DOCK9: variants seen among roughly 807,000 people sequenced by gnomAD.
DOCK9 encodes dedicator of cytokinesis 9.
DOCK9 carries 89 observed loss-of-function variants against 263.3 expected under a neutral mutation model. The ratio of observed to expected loss-of-function variants is 0.34; its 90% confidence interval spans 0.28 to 0.40. The LOEUF is 0.40. DOCK9 is among the 10% of genes least tolerant of loss of function. The pLI is 1.00. For synonymous variants in DOCK9, 976 were observed against 973.1 expected (o/e 1.00, Z -0.06); for missense variants, 2,140 against 2,603.4 (o/e 0.82, Z 3.87).
At chr13:98,885,559 T>C (rs2045569506) in intron 20 of DOCK9, 149 bp downstream of exon 20, 1 of 719,134 alleles carries the variant, frequency 1.4e-6, no homozygotes, top group Non-Finnish European at 2.1e-6. Context: ...AAAAATTACA[T>C]ATGCAACCCA....
chr13:99,060,062 C>CTTTTTTTTTTTTT (rs71114576), intron 1 of DOCK9, among the ~76,000 whole-genome samples: 5 of 61,460 alleles, frequency 8.1e-5, no homozygotes, highest in African/African-American at 4.0e-4. Context: ...ATTGTTTCTA[C>CTTTTTTTTTTTTT]TTTTTTTTTT....
At chr13:98,797,547 G>A (rs945736175) in intron 50 of DOCK9, 58 bp from the exon 51 acceptor site, 9 of 1,463,144 alleles carry the variant, frequency 6.2e-6, no homozygotes, top group Non-Finnish European at 8.5e-6. Context: ...ATGACCATCT[G>A]CTCAGTTTCA....
rs529785682 is a variant in DOCK9 at position 98,992,124 on chromosome 13, GA to G, written c.130-36574del. On this transcript the variant is annotated intron_variant, in intron 1 of 32. Coordinates refer to the DOCK9 transcript ENST00000427887. ...GCCTACCCTGCCTAACCAATACAGT[GA>G]AAAAAAAAAAAATGCCCCAACAGGA... Among the ~76,000 whole-genome samples, 577 of 142,096 alleles carry G rather than the reference GA, an allele frequency of 4.1e-3. 2 individuals carry two copies. The highest frequency in any genetic ancestry group is 5.2e-3 in the Non-Finnish European group (336 of 64,720). The allele number at this position is 142,096 out of a possible 152,430, so 93.2% of individuals were successfully genotyped here.
chr13:98,941,731 T>C (rs2055883597), intron 2 of DOCK9, among the ~76,000 whole-genome samples: 1 of 152,148 alleles, frequency 6.6e-6, no homozygotes, highest in African/African-American at 2.4e-5. Flanking sequence ...TAGTAAGGGA[T>C]TGAGCCTGCT....
rs117798408 is a variant in DOCK9, at chr13:98,799,471, A to G, written c.5916+817T>C. ...TTAACACTTACCAATTAACTAGGAA[A>G]CCATGTAAGTAAGATAACTTTTTAA... is the stretch of plus-strand genomic sequence containing the variant. On this transcript the variant is annotated intron_variant, in intron 50 of 52. Transcript: ENST00000682017. 1.1e-3 allele frequency among the ~76,000 whole-genome samples: 166 copies of G among 152,342 alleles called. 4 individuals are homozygous for G. In the East Asian group the frequency reaches 0.03, roughly 27 times the overall value.
At position 98,901,803 on chromosome 13, in the gene DOCK9, T is replaced by A. The variant is rs1285670901; in HGVS notation, c.1478A>T (p.Tyr493Phe). 1.2e-6 allele frequency: 2 copies of A among 1,612,802 alleles called. No individual in the cohort carries two copies. The highest frequency in any genetic ancestry group is 2.7e-5 in the African/African-American group (2 of 75,054). ...QGSITHCAEP[Y>F]MKSSDSSKVA... Reference sequence around the variant, plus strand: ...CTTAGAAGAGTCTGAACTTTTCATATATGGCTCAGCGCAATGTGTGATGCT... The same window carrying A: ...CTTAGAAGAGTCTGAACTTTTCATAAATGGCTCAGCGCAATGTGTGATGCT... Residue 493 changes from tyrosine (Y) to phenylalanine (F), a missense_variant, in exon 13 of 53, where the codon TAT (tyrosine) becomes TTT (phenylalanine). Around this residue, in one of 2 missense-constraint regions of DOCK9, gnomAD observed 1,521 missense variants for 1,741.7 expected, o/e 0.87. Transcript: ENST00000682017.
At chr13:98,809,174 G>GA in intron 47 of DOCK9, 178 bp downstream of exon 47, 1 of 1,462,520 alleles carries the variant, frequency 6.8e-7, no homozygotes. Context: ...AAAAAAAGCA[G>GA]AAAGTTTACT....
At chr13:98,999,318 T>G (rs868114714) in intron 1 of DOCK9, among the ~76,000 whole-genome samples, 1 of 88,766 alleles carries the variant, frequency 1.1e-5, no homozygotes, top group African/African-American at 5.3e-5. Context: ...ACACACACAC[T>G]CTCTCTCTCT....
At chr13:98,872,716 A>C (rs2094220438) in intron 27 of DOCK9, among the ~76,000 whole-genome samples, 1 of 152,058 alleles carries the variant, frequency 6.6e-6, no homozygotes, top group African/African-American at 2.4e-5. Flanking sequence ...TACAAACTCC[A>C]TTCTTCCTAC....
intron 1 of DOCK9, among the ~76,000 whole-genome samples, chr13:99,055,153 C>G (rs1010083611): frequency 2.0e-5 from 3 of 152,072 alleles, no homozygotes; most frequent in Admixed American, 6.5e-5. Context: ...ACCGGGGTAT[C>G]TAGTTAAAGG....
At chr13:98,952,006 T>C (rs565500163) in intron 2 of DOCK9, among the ~76,000 whole-genome samples, 28 of 150,530 alleles carry the variant, frequency 1.9e-4, no homozygotes, top group Admixed American at 4.0e-4. Context: ...CAAGCGATTC[T>C]CTTGCCTCAG....
intron 33 of DOCK9, chr13:98,860,086 C>T: frequency 1.1e-6 from 1 of 876,390 alleles, no homozygotes; most frequent in Non-Finnish European, 1.5e-6. Context: ...CCACCACCTG[C>T]AAAAATATCC....
chr13:98,822,139 T>G (rs1217606554), intron 45 of DOCK9, among the ~76,000 whole-genome samples: 1 of 152,228 alleles, frequency 6.6e-6, no homozygotes, highest in Non-Finnish European at 1.5e-5. Context: ...CACCACAGAT[T>G]GTCATGTACT....
intron 1 of DOCK9, among the ~76,000 whole-genome samples, chr13:99,034,736 A>C (rs1887688176): frequency 6.6e-6 from 1 of 152,206 alleles, no homozygotes; most frequent in East Asian, 1.9e-4. Flanking sequence ...TCTATTTTAA[A>C]AAGGTAACAA....
intron 45 of DOCK9, among the ~76,000 whole-genome samples, chr13:98,823,191 AT>A (rs1462196919): frequency 5.3e-5 from 8 of 151,544 alleles, no homozygotes; most frequent in African/African-American, 1.7e-4. Flanking sequence ...TTACTGTCTG[AT>A]TTTGCAAGAT....
At chr13:98,846,429 T>G in intron 37 of DOCK9, 1 of 1,076,026 alleles carries the variant, frequency 9.3e-7, no homozygotes, top group African/African-American at 1.6e-5. Flanking sequence ...AAAAGACATG[T>G]ATTTTTTTTA....
chr13:98,967,273 A>G (rs2059306917), intron 1 of DOCK9, among the ~76,000 whole-genome samples: 1 of 152,266 alleles, frequency 6.6e-6, no homozygotes, highest in Non-Finnish European at 1.5e-5. Context: ...ACAGTGCACG[A>G]ATGCACCAAA....
chr13:99,004,195 T>C (rs1245910912), intron 1 of DOCK9, among the ~76,000 whole-genome samples: 1 of 152,228 alleles, frequency 6.6e-6, no homozygotes, highest in Non-Finnish European at 1.5e-5. Context: ...ATATCCCACG[T>C]GGCAGCCTTA....
intron 15 of DOCK9, among the ~76,000 whole-genome samples, chr13:98,896,712 C>T (rs1215727945): frequency 6.6e-6 from 1 of 152,194 alleles, no homozygotes; most frequent in African/African-American, 2.4e-5. Context: ...AGGTTAAGAA[C>T]ACAGACCCTC....
Sources: gnomAD v4.1 joint callset for allele counts (sites outside exome capture counted in the v4.1 genomes callset) on GRCh38, gnomAD v4.1.1 for gene constraint, gnomAD v4.1.1 regional missense constraint, MANE v1.5 for transcripts, NCBI Gene and HGNC (gene_info 2026-07-23, HGNC 2026-07-21) for gene names.